The following IYD variants were observed in gnomAD, a reference collection of about 807,000 sequenced individuals.
IYD encodes iodotyrosine deiodinase 1.
Under a neutral mutation model 28.4 loss-of-function variants are expected in IYD, and 25 were observed. The observed-to-expected ratio is 0.88, with a 90% CI of 0.64 to 1.23. IYD has a LOEUF of 1.23. IYD is among the 50% of genes most tolerant of loss of function. The pLI is 0.00. For missense variants in IYD, 352 were observed against 357.9 expected (o/e 0.98, Z 0.13); for synonymous variants, 140 against 130.8 (o/e 1.07, Z -0.48).
In IYD at chr6:150,399,646, T is replaced by C. The variant is rs1166026274; in HGVS notation, c.*1409T>C. ...CTCTCTATAAAAAATTTCCATAGAG[T>C]ATGTGGCTGATAAACAACAGAAATT... On this transcript the variant is annotated 3_prime_UTR_variant, in exon 5 of 5. Transcript: ENST00000344419. 1.3e-5 allele frequency: 2 copies of C among 152,056 alleles called. No individual in the cohort carries two copies. The highest frequency in any genetic ancestry group is 2.9e-5 in the Non-Finnish European group (2 of 68,054). 9.4% of individuals were successfully genotyped at this position (152,056 alleles called of 1,614,324 possible).
Position 150,401,705 on chromosome 6 carries a change from G to A in IYD, c.*3468G>A, listed in dbSNP as rs1213236394. The A allele has an allele frequency of 1.3e-5, 2 of 152,178 alleles. No homozygotes were observed. Among genetic ancestry groups the A allele is most frequent in the Admixed American group, 6.5e-5 (1 of 15,286 alleles). 9.4% of individuals were successfully genotyped at this position (152,178 alleles called of 1,614,324 possible). A position where few individuals can be genotyped will look rare whatever the true frequency, so the allele number is the denominator to read the frequency against. On this transcript the variant is annotated 3_prime_UTR_variant, in exon 5 of 5. Transcript: ENST00000344419. ...CAAAGTTAGAAATAGTGGTCGGGGA[G>A]GCTTATAGATCCTCTTGCTGTTCTG...
intron 1 of IYD, among the ~76,000 whole-genome samples, chr6:150,388,963 A>G (rs762893831): frequency 6.6e-5 from 10 of 151,854 alleles, no homozygotes; most frequent in Admixed American, 2.0e-4. Context: ...TGGCCTCCCA[A>G]AATGCTGGGA....
chr6:150,380,670 A>G (rs1297338122), intron 1 of IYD, among the ~76,000 whole-genome samples: 1 of 152,212 alleles, frequency 6.6e-6, no homozygotes, highest in Non-Finnish European at 1.5e-5. Context: ...TCTGAGGTTC[A>G]TGCCCAAGGG....
At chr6:150,389,031 G>A (rs1157920844) in intron 1 of IYD, among the ~76,000 whole-genome samples, 1 of 151,990 alleles carries the variant, frequency 6.6e-6, no homozygotes, top group African/African-American at 2.4e-5. Flanking sequence ...AAGAGACTGG[G>A]TCTGTCTCCA....
chr6:150,381,337 T>C (rs113927250), intron 1 of IYD, among the ~76,000 whole-genome samples: 10 of 152,352 alleles, frequency 6.6e-5, no homozygotes, highest in African/African-American at 2.2e-4. Flanking sequence ...TTTCACTGCA[T>C]TGAGAAAATG....
At chr6:150,392,223 T>A in intron 2 of IYD, 122 bp from the exon 3 acceptor site, 1 of 1,516,142 alleles carries the variant, frequency 6.6e-7, no homozygotes, top group Non-Finnish European at 8.9e-7. Flanking sequence ...TGCAAAATTT[T>A]GTTTGATCCT....
At chr6:150,395,698 C>CT in intron 4 of IYD, 1 of 780,874 alleles carries the variant, frequency 1.3e-6, no homozygotes. Flanking sequence ...AAGCCCGCAT[C>CT]TCCAGTATGG....
In IYD at chr6:150,392,515, T is replaced by G; in HGVS notation, c.530+11T>G. The G allele has an allele frequency of 6.2e-7, 1 of 1,613,434 alleles. No homozygotes were observed. The highest frequency in any genetic ancestry group is 8.5e-7 in the Non-Finnish European group (1 of 1,179,636). ...CCTCAAGAAACTGAGGTACAAACAG[T>G]GGTGGAACTGGGGATGTTTGCCTTG... On this transcript the variant is annotated intron_variant, in intron 3 of 4. Transcript: ENST00000344419.
chr6:150,376,649 G>A (rs7772485), intron 1 of IYD, among the ~76,000 whole-genome samples: 41,322 of 151,952 alleles, frequency 0.27, 7,011 homozygotes, highest in African/African-American at 0.48. Context: ...CTTAATAGAT[G>A]GGGTATTGCT....
chr6:150,388,646 T>G (rs573992872), intron 1 of IYD, among the ~76,000 whole-genome samples: 22 of 56,062 alleles, frequency 3.9e-4, no homozygotes, highest in African/African-American at 6.9e-4. Context: ...TTTCTTTCTT[T>G]CTTTCTTTCT....
rs747326363 is a variant in IYD at position 150,398,172 on chromosome 6, A to T, written c.805A>T (p.Ser269Cys). 26 of 1,614,082 alleles carry T rather than the reference A, an allele frequency of 1.6e-5. No individual in the cohort carries two copies. The highest frequency in any genetic ancestry group is 1.5e-4 in the Admixed American group (9 of 60,004). ...LLMLLPVGYP[S>C]KEATVPDLKR... ...GATGCTGCTCCCCGTGGGGTACCCCAGCAAGGAGGCCACGGTGCCTGACCT... is the reference window on the plus strand; with the variant it reads ...GATGCTGCTCCCCGTGGGGTACCCCTGCAAGGAGGCCACGGTGCCTGACCT... The change falls in exon 5 of 5, where the codon AGC becomes TGC. Residue 269 changes from serine (S) to cysteine (C), a missense_variant. Coordinates refer to ENST00000344419, the MANE Select transcript of IYD (RefSeq NM_203395.3).
chr6:150,370,026 G>C (rs765609683), intron 1 of IYD: 17 of 702,138 alleles, frequency 2.4e-5, no homozygotes, highest in Non-Finnish European at 3.9e-5. Context: ...GGAAGGGAGA[G>C]AGCGTGGAGG....
intron 1 of IYD, 57 bp from the exon 2 acceptor site, chr6:150,389,295 G>A (rs981233303): frequency 5.9e-6 from 8 of 1,358,332 alleles, no homozygotes; most frequent in Middle Eastern, 1.9e-4. Flanking sequence ...CTCCCCAGCG[G>A]TCACCTTATG....
chr6:150,400,053 CA>C lies in IYD; in HGVS notation c.*1818del, dbSNP rs2115069261. On this transcript the variant is annotated 3_prime_UTR_variant, in exon 5 of 5. Coordinates refer to ENST00000344419, the MANE Select transcript of IYD (RefSeq NM_203395.3). The stretch of plus-strand genomic sequence containing the variant: ...ACTGTGGTAGAAACCATTGTCACTG[CA>C]AGGCAGCCCTGCTTGGGATTCAGGT... 6.6e-6 allele frequency: 1 copy of C among 152,348 alleles called. No homozygotes were observed. Among genetic ancestry groups the C allele is most frequent in the East Asian group, 1.9e-4 (1 of 5,180 alleles). The allele number at this position is 152,348 out of a possible 1,614,324, so 9.4% of individuals were successfully genotyped here.
intron 1 of IYD, among the ~76,000 whole-genome samples, chr6:150,379,503 G>C (rs1248805109): frequency 6.6e-6 from 1 of 152,094 alleles, no homozygotes; most frequent in Non-Finnish European, 1.5e-5. Flanking sequence ...CTTATTCTCT[G>C]TCACTTCATA....
At chr6:150,393,061 T>A (rs1778184092) in intron 3 of IYD, among the ~76,000 whole-genome samples, 1 of 152,196 alleles carries the variant, frequency 6.6e-6, no homozygotes, top group Admixed American at 6.5e-5. Context: ...GTTCATCCAG[T>A]GAGTCAGGAA....
chr6:150,394,956 T>C (rs1009670912), intron 4 of IYD, among the ~76,000 whole-genome samples: 4 of 152,228 alleles, frequency 2.6e-5, no homozygotes, highest in Non-Finnish European at 5.9e-5. Flanking sequence ...GCCTCCTGAA[T>C]AGCTGGGACT....
At chr6:150,389,264 A>G in intron 1 of IYD, 88 bp from the exon 2 acceptor site, 1 of 946,502 alleles carries the variant, frequency 1.1e-6, no homozygotes, top group Non-Finnish European at 1.7e-6. Flanking sequence ...AACCTTACAC[A>G]TTTAAGCACT....
At position 150,389,482 on chromosome 6, in the gene IYD, CA is replaced by C. The variant is rs1161440092; in HGVS notation, c.310del (p.Arg104GlyfsTer3). On this transcript the variant is annotated frameshift_variant, in exon 2 of 5. Coordinates refer to ENST00000344419, the MANE Select transcript of IYD (RefSeq NM_203395.3). LOFTEE classifies it high-confidence loss of function. ...AACTTCTCAATAAGAGACGGTCAGT[CA>C]GGTTCATAAGTAATGAGCAAGTCCC... The part of the protein sequence containing the change: ...YELLNKRRSV[R>X]FISNEQVPME... 1 of 1,613,832 alleles carries C rather than the reference CA, an allele frequency of 6.2e-7. No homozygotes were observed. The highest frequency in any genetic ancestry group is 1.3e-5 in the African/African-American group (1 of 74,890).
Sources: gnomAD v4.1 joint callset for allele counts (sites outside exome capture counted in the v4.1 genomes callset) on GRCh38, gnomAD v4.1.1 for gene constraint, MANE v1.5 for transcripts, NCBI Gene and HGNC (gene_info 2026-07-23, HGNC 2026-07-21) for gene names.